The following TLL1 variants were observed in gnomAD, a reference collection of about 807,000 sequenced individuals.
The protein encoded by TLL1 is tolloid like 1.
TLL1 carries 49 observed loss-of-function variants against 128.2 expected under a neutral mutation model. The observed-to-expected ratio is 0.38, with a 90% CI of 0.30 to 0.48. The LOEUF is 0.48. Ranked by LOEUF, TLL1 falls within the 20% of genes least tolerant of loss-of-function variation. The pLI is 0.96. For synonymous variants in TLL1, 454 were observed against 418.8 expected (o/e 1.08, Z -1.03); for missense variants, 1,123 against 1,242.0 (o/e 0.90, Z 1.44).
At chr4:165,875,218 G>A (rs548863416) in intron 1 of TLL1, among the ~76,000 whole-genome samples, 1 of 152,178 alleles carries the variant, frequency 6.6e-6, no homozygotes, top group East Asian at 1.9e-4. Flanking sequence ...TCCGTGCGGG[G>A]TTGCTCTGTG....
chr4:166,060,140 G>A lies in TLL1; in HGVS notation c.1959G>A (p.Gln653=), dbSNP rs1740237558. 1 of 1,613,628 alleles carries A rather than the reference G, an allele frequency of 6.2e-7. No homozygotes were observed. The highest frequency in any genetic ancestry group is 1.3e-5 in the African/African-American group (1 of 74,936). The stretch of plus-strand genomic sequence containing the variant: ...TGTGGCAAGTGGTTGCACCAACCCA[G>A]TACAGAATTTCTGTGAAGTTTGAGT... The part of the protein sequence containing the change: ...NCVWQVVAPT[Q]YRISVKFEFF... Residue 653 remains glutamine (Q), a synonymous_variant, in exon 15 of 21, where the codon CAG becomes CAA. Transcript: ENST00000061240.
rs536797336 is a variant in TLL1 at position 166,092,149 on chromosome 4, T to G, written c.2656+808T>G. Among the ~76,000 whole-genome samples, 250 of 152,220 alleles carry G rather than the reference T, an allele frequency of 1.6e-3. 3 individuals are homozygous for G. Among genetic ancestry groups the G allele is most frequent in the Non-Finnish European group, 3.1e-4 (21 of 67,970 alleles). ...GATACACGGGAGAAATTTGCCTTGG[T>G]GGAAAACACAGTATAAAAACAATAC... On this transcript the variant is annotated intron_variant, in intron 19 of 20. Transcript: ENST00000061240.
chr4:165,972,773 G>A (rs1222529732), intron 1 of TLL1, among the ~76,000 whole-genome samples: 3 of 152,062 alleles, frequency 2.0e-5, no homozygotes, highest in Admixed American at 1.3e-4. Flanking sequence ...TGTCCATTGT[G>A]GTCAGTGAGC....
intron 18 of TLL1, among the ~76,000 whole-genome samples, chr4:166,089,324 T>C (rs1458984771): frequency 6.6e-6 from 1 of 152,150 alleles, no homozygotes; most frequent in Non-Finnish European, 1.5e-5. Flanking sequence ...ACAATGGTAA[T>C]AGAAGCAGAC....
At chr4:165,919,888 G>C in intron 1 of TLL1, 2 of 453,998 alleles carry the variant, frequency 4.4e-6, no homozygotes, top group South Asian at 3.1e-5. Context: ...CCGAGCCCTT[G>C]AAGTTCAAGA....
chr4:166,047,920 T>G (rs1164756985), intron 12 of TLL1, among the ~76,000 whole-genome samples: 2 of 152,082 alleles, frequency 1.3e-5, no homozygotes, highest in African/African-American at 4.8e-5. Context: ...GGAGCCCTCA[T>G]GAATGAATCA....
intron 5 of TLL1, among the ~76,000 whole-genome samples, chr4:166,000,252 A>C (rs569549250): frequency 6.6e-6 from 1 of 152,346 alleles, no homozygotes; most frequent in South Asian, 2.1e-4. Flanking sequence ...TCACATTAAA[A>C]ATACATATTA....
intron 8 of TLL1, among the ~76,000 whole-genome samples, chr4:166,022,836 T>C (rs1738306443): frequency 6.6e-6 from 1 of 152,094 alleles, no homozygotes; most frequent in Non-Finnish European, 1.5e-5. Context: ...TGATATAAGG[T>C]TTTGTAAATT....
chr4:165,897,662 C>CTTTTTTTTTTT lies in TLL1; in HGVS notation c.169+23603_169+23613dup, dbSNP rs951819686. Among the ~76,000 whole-genome samples, 31 of 47,540 alleles carry CTTTTTTTTTTT rather than the reference C, an allele frequency of 6.5e-4. 1 individual carries two copies. The highest frequency in any genetic ancestry group is 2.2e-3 in the African/African-American group (24 of 11,148). 31.2% of individuals were successfully genotyped at this position (47,540 alleles called of 152,430 possible). ...TATAGTTTGAAGTCAGGTAGTCCAG[C>CTTTTTTTTTTT]TTTTTTTTTTTTTTTTTTTTTTTTG... On this transcript the variant is annotated intron_variant, in intron 1 of 20. Coordinates refer to ENST00000061240, the MANE Select transcript of TLL1 (RefSeq NM_012464.5).
At chr4:165,909,714 G>A (rs1195914340) in intron 1 of TLL1, among the ~76,000 whole-genome samples, 1 of 152,168 alleles carries the variant, frequency 6.6e-6, no homozygotes, top group Non-Finnish European at 1.5e-5. Context: ...GCATTGAATT[G>A]TTCAAGAAAA....
chr4:165,972,406 G>T (rs990120886), intron 1 of TLL1, among the ~76,000 whole-genome samples: 1 of 152,124 alleles, frequency 6.6e-6, no homozygotes, highest in African/African-American at 2.4e-5. Context: ...CTACATGGTT[G>T]TTCCTCCTGG....
chr4:165,991,747 G>A (rs1257728390), intron 2 of TLL1, among the ~76,000 whole-genome samples: 1 of 151,894 alleles, frequency 6.6e-6, no homozygotes, highest in Admixed American at 6.6e-5. Context: ...AATAGTTCAA[G>A]TGATTTGTGA....
chr4:166,086,825 G>A (rs1205165773), intron 18 of TLL1, among the ~76,000 whole-genome samples: 5 of 152,064 alleles, frequency 3.3e-5, no homozygotes, highest in African/African-American at 9.7e-5. Flanking sequence ...GTTGTTTTAA[G>A]GCATTAAATG....
chr4:166,050,059 A>G (rs1289394334), intron 12 of TLL1, among the ~76,000 whole-genome samples: 1 of 152,220 alleles, frequency 6.6e-6, no homozygotes, highest in Non-Finnish European at 1.5e-5. Flanking sequence ...AGCAAAATAT[A>G]CATAACATAA....
At chr4:165,972,616 T>A (rs1231306755) in intron 1 of TLL1, among the ~76,000 whole-genome samples, 2 of 152,200 alleles carry the variant, frequency 1.3e-5, no homozygotes, top group Non-Finnish European at 2.9e-5. Flanking sequence ...TTTTACTCCT[T>A]GGACACCATG....
intron 5 of TLL1, among the ~76,000 whole-genome samples, chr4:165,999,934 G>A (rs1373522307): frequency 1.3e-5 from 2 of 152,170 alleles, no homozygotes; most frequent in African/African-American, 2.4e-5. Context: ...AGCTTCCAAA[G>A]GGGTTTTGTT....
chr4:166,079,860 T>G (rs1037565050), intron 18 of TLL1, among the ~76,000 whole-genome samples: 7 of 152,222 alleles, frequency 4.6e-5, no homozygotes, highest in Non-Finnish European at 1.0e-4. Context: ...TGAGTTTAAG[T>G]TTCAGTAATT....
intron 11 of TLL1, among the ~76,000 whole-genome samples, chr4:166,042,932 G>T (rs1012529760): frequency 2.0e-5 from 3 of 152,112 alleles, no homozygotes; most frequent in African/African-American, 2.4e-5. Context: ...ACCTGTGGTC[G>T]AAAGACCAAA....
At chr4:166,072,898 A>C (rs891619798) in intron 16 of TLL1, among the ~76,000 whole-genome samples, 9 of 152,096 alleles carry the variant, frequency 5.9e-5, no homozygotes, top group Admixed American at 2.0e-4. Context: ...AGTCAATTGC[A>C]AATGTGAACT....
Sources: allele counts gnomAD v4.1 joint callset (sites outside exome capture counted in the v4.1 genomes callset), GRCh38; gene constraint gnomAD v4.1.1; transcripts MANE v1.5; gene names NCBI Gene and HGNC (gene_info 2026-07-23, HGNC 2026-07-21).